Variants in PTK2B observed in about 807,000 individuals in gnomAD.
PTK2B encodes the protein protein-tyrosine kinase 2-beta.
A neutral mutation model predicts 142.9 loss-of-function variants in PTK2B; 71 were observed. That is an observed-to-expected ratio of 0.50 (90% CI 0.41 to 0.61). PTK2B has a LOEUF of 0.61. PTK2B is among the 20% of genes least tolerant of loss of function. PTK2B has a pLI of 0.00. For missense variants in PTK2B, 1,105 were observed against 1,320.4 expected (o/e 0.84, Z 2.53); for synonymous variants, 519 against 503.4 (o/e 1.03, Z -0.42).
At chr8:27,394,722 T>G (rs994193693) in intron 1 of PTK2B, among the ~76,000 whole-genome samples, 3 of 152,288 alleles carry the variant, frequency 2.0e-5, no homozygotes, top group Non-Finnish European at 2.9e-5. Context: ...TGTTGATGCT[T>G]TTGTATAATA....
chr8:27,355,830 T>A (rs1424114010), intron 1 of PTK2B, among the ~76,000 whole-genome samples: 1 of 152,142 alleles, frequency 6.6e-6, no homozygotes, highest in African/African-American at 2.4e-5. Flanking sequence ...GAGACCAGCC[T>A]GGCCAACATA....
chr8:27,321,652 T>C (rs1803218882), upstream of PTK2B, among the ~76,000 whole-genome samples: 1 of 152,214 alleles, frequency 6.6e-6, no homozygotes, highest in Non-Finnish European at 1.5e-5. Context: ...GGCATGATTC[T>C]GGAGTTGCGT....
At chr8:27,443,021 A>G (rs1486463682) in intron 22 of PTK2B, 38 bp downstream of exon 22, 1 of 1,535,554 alleles carries the variant, frequency 6.5e-7, no homozygotes, top group Admixed American at 1.7e-5. Flanking sequence ...CTGTGAGTCA[A>G]AGCAAAGCCA....
intron 2 of PTK2B, among the ~76,000 whole-genome samples, chr8:27,418,373 G>A (rs1332292041): frequency 6.6e-6 from 1 of 152,216 alleles, no homozygotes; most frequent in Admixed American, 6.5e-5. Flanking sequence ...TCCTAGTGGA[G>A]AGAGAAAGAA....
At chr8:27,356,905 G>T (rs1464099528) in intron 1 of PTK2B, among the ~76,000 whole-genome samples, 1 of 152,202 alleles carries the variant, frequency 6.6e-6, no homozygotes, top group African/African-American at 2.4e-5. Flanking sequence ...GGAGATGGGT[G>T]GTGGCACGAA....
chr8:27,401,860 G>A (rs186595097), intron 2 of PTK2B, among the ~76,000 whole-genome samples: 1 of 152,340 alleles, frequency 6.6e-6, no homozygotes, highest in East Asian at 1.9e-4. Context: ...CTTAAATTAA[G>A]ATTATAGCCA....
intron 13 of PTK2B, among the ~76,000 whole-genome samples, chr8:27,435,233 C>T (rs1006600974): frequency 1.3e-5 from 2 of 152,204 alleles, no homozygotes; most frequent in Non-Finnish European, 2.9e-5. Flanking sequence ...TGTGGGCTCA[C>T]GTGATGAACA....
intron 1 of PTK2B, among the ~76,000 whole-genome samples, chr8:27,391,851 A>T (rs1249019834): frequency 6.6e-6 from 1 of 152,210 alleles, no homozygotes; most frequent in African/African-American, 2.4e-5. Flanking sequence ...TGTGTTTGTT[A>T]TTCTTTGACT....
At position 27,318,539 on chromosome 8, in the gene PTK2B, C is replaced by T. The variant is rs1271200354; in HGVS notation, c.-413-3863C>T. Among the ~76,000 whole-genome samples, 16 of 152,344 alleles carry T rather than the reference C, an allele frequency of 1.1e-4. No homozygotes were observed. The East Asian group carries it at 2.9e-3, about 28-fold the overall frequency. On this transcript the variant is annotated intron_variant, in intron 3 of 35. Transcript: ENST00000397501. ...AGGAGCAGCCTGCAGGCCAGCCCTG[C>T]AGCAACCTGGGGAGTTATGGAAATC...
Position 27,350,990 on chromosome 8 carries a change from AATATATATATATATATATATATAT to A in PTK2B, c.-38+25337_-38+25360del, listed in dbSNP as rs1161548916. 6.6e-4 allele frequency among the ~76,000 whole-genome samples: 8 copies of A among 12,090 alleles called. 3 individuals carry two copies. Among genetic ancestry groups the A allele is most frequent in the Non-Finnish European group, 1.3e-3 (8 of 6,376 alleles). The allele number at this position is 12,090 out of a possible 152,430, so 7.9% of individuals were successfully genotyped here. A position where few individuals can be genotyped will look rare whatever the true frequency, so the allele number is the denominator to read the frequency against. ...GTCTCCGTCTCAAAAAAAAAAAAAA[AATATATATATATATATATATATAT>A]ATATATATATATATATATATATATA... On this transcript the variant is annotated intron_variant, in intron 1 of 30. Transcript: ENST00000346049.
intron 22 of PTK2B, 125 bp from the exon 23 acceptor site, chr8:27,444,081 T>A: frequency 1.0e-6 from 1 of 975,946 alleles, no homozygotes. Context: ...TCATGACAGC[T>A]TTGTCCCTCA....
chr8:27,432,316 G>A lies in PTK2B; in HGVS notation c.942G>A (p.Glu314=). 1.9e-6 allele frequency: 3 copies of A among 1,614,080 alleles called. No homozygotes were observed. Among genetic ancestry groups the A allele is most frequent in the Non-Finnish European group, 2.5e-6 (3 of 1,180,036 alleles). ...GGTCCATCAGGTGCCTCCCGCTGGA[G>A]GAGGGCCAGGCAGTACTTCAGCTGG... The part of the protein sequence containing the change: ...QIRSIRCLPL[E]EGQAVLQLGI... Residue 314 remains glutamate, a synonymous_variant, in exon 10 of 31, where the codon GAG becomes GAA. Coordinates refer to ENST00000346049, the MANE Select transcript of PTK2B (RefSeq NM_173176.3).
chr8:27,378,443 A>T (rs1156841221), intron 1 of PTK2B, among the ~76,000 whole-genome samples: 4 of 152,250 alleles, frequency 2.6e-5, no homozygotes, highest in African/African-American at 4.8e-5. Context: ...GACTGTTGGA[A>T]GAACGTCCCT....
chr8:27,341,867 A>T (rs1804422038), intron 1 of PTK2B, among the ~76,000 whole-genome samples: 1 of 151,928 alleles, frequency 6.6e-6, no homozygotes, highest in Non-Finnish European at 1.5e-5. Context: ...GTAGAGATGG[A>T]GTCTTGCTCT....
chr8:27,437,257 C>T, intron 16 of PTK2B, 51 bp downstream of exon 16: 1 of 1,577,104 alleles, frequency 6.3e-7, no homozygotes, highest in Non-Finnish European at 8.7e-7. Flanking sequence ...GGGCTTCAGC[C>T]TGGGAAGAGA....
At chr8:27,446,019 G>A (rs1300725174) in intron 24 of PTK2B, 100 bp downstream of exon 24, 11 of 1,513,032 alleles carry the variant, frequency 7.3e-6, no homozygotes, top group Middle Eastern at 1.8e-4. Context: ...GCTCAGGAGG[G>A]CCCTTCCTGT....
intron 1 of PTK2B, among the ~76,000 whole-genome samples, chr8:27,394,472 T>C (rs13276868): frequency 6.6e-6 from 1 of 152,164 alleles, no homozygotes; most frequent in Non-Finnish European, 1.5e-5. Flanking sequence ...TAAAAAATGG[T>C]GCACCGGTCT....
chr8:27,435,445 T>C (rs1354598257), intron 13 of PTK2B, among the ~76,000 whole-genome samples: 1 of 152,242 alleles, frequency 6.6e-6, no homozygotes. Context: ...ATTATTTGAT[T>C]CAATCTTTAT....
chr8:27,452,277 G>A (rs972260944), intron 27 of PTK2B: 1 of 152,258 alleles, frequency 6.6e-6, no homozygotes. Flanking sequence ...GGCGGCAGAG[G>A]TGAGAATAGA....
Sources: allele counts gnomAD v4.1 joint callset (sites outside exome capture counted in the v4.1 genomes callset), GRCh38; gene constraint gnomAD v4.1.1; transcripts MANE v1.5; gene names NCBI Gene and HGNC (gene_info 2026-07-23, HGNC 2026-07-21).